NAV3: variants seen among roughly 807,000 people sequenced by gnomAD.
The protein encoded by NAV3 is pore membrane and/or filament interacting like protein 1.
Under a neutral mutation model 244.7 loss-of-function variants are expected in NAV3, and 87 were observed. The ratio of observed to expected loss-of-function variants is 0.36; its 90% CI spans 0.30 to 0.42. The LOEUF is 0.42. Among genes scored for constraint, NAV3 ranks in the 20% least tolerant of loss-of-function variants. The pLI is 1.00. For synonymous variants in NAV3, 1,126 were observed against 1,042.2 expected (o/e 1.08, Z -1.55); for missense variants, 2,663 against 2,893.3 (o/e 0.92, Z 1.83).
At chr12:78,069,919 A>C (rs1430301355) in intron 12 of NAV3, among the ~76,000 whole-genome samples, 1 of 152,052 alleles carries the variant, frequency 6.6e-6, no homozygotes, top group Admixed American at 6.6e-5. Flanking sequence ...TTTGTAAACT[A>C]TCAGGAATTA....
intron 9 of NAV3, among the ~76,000 whole-genome samples, chr12:78,030,112 C>A (rs957514585): frequency 1.3e-5 from 2 of 152,124 alleles, no homozygotes; most frequent in Admixed American, 6.6e-5. Context: ...TATGTATAGG[C>A]AAATATTCCA....
At chr12:77,711,943 T>G (rs758348759) in intron 2 of NAV3, among the ~76,000 whole-genome samples, 28 of 152,216 alleles carry the variant, frequency 1.8e-4, no homozygotes, top group Non-Finnish European at 3.8e-4. Flanking sequence ...CTACTTCCAA[T>G]GAACTCACTA....
Position 77,966,308 on chromosome 12 carries a change from A to C in NAV3, c.487+7A>C. 1 of 1,606,764 alleles carries C rather than the reference A, an allele frequency of 6.2e-7. No homozygotes were observed. Among genetic ancestry groups the C allele is most frequent in the Non-Finnish European group, 8.5e-7 (1 of 1,176,034 alleles). On this transcript the variant is annotated splice_region_variant and intron_variant, in intron 4 of 39. Transcript: ENST00000397909. Reference sequence around the variant, plus strand: ...CAAGGTCTATCTGCTGAAGGTAAGAAAAAGAATGACTGAATTGTCACAAAT... The same window carrying C: ...CAAGGTCTATCTGCTGAAGGTAAGACAAAGAATGACTGAATTGTCACAAAT...
intron 2 of NAV3, among the ~76,000 whole-genome samples, chr12:77,637,269 T>A (rs969346619): frequency 3.3e-5 from 5 of 152,104 alleles, no homozygotes; most frequent in African/African-American, 4.8e-5. Flanking sequence ...CCATAGAATT[T>A]GCAAACCATC....
chr12:77,784,992 A>C (rs1209374987), intron 2 of NAV3, among the ~76,000 whole-genome samples: 1 of 152,158 alleles, frequency 6.6e-6, no homozygotes, highest in African/African-American at 2.4e-5. Flanking sequence ...ATTTGGGTAC[A>C]GTTGACATTG....
At chr12:77,987,601 CAATT>C (rs1446963684) in intron 5 of NAV3, among the ~76,000 whole-genome samples, 2 of 151,974 alleles carry the variant, frequency 1.3e-5, no homozygotes, top group East Asian at 1.9e-4. Context: ...AAATGTCAAT[CAATT>C]GTTTAGTTAC....
intron 5 of NAV3, among the ~76,000 whole-genome samples, chr12:77,985,532 GA>G (rs922272343): frequency 3.3e-5 from 5 of 151,486 alleles, no homozygotes; most frequent in African/African-American, 1.2e-4. Flanking sequence ...AGTCACTTCT[GA>G]ATATCCATTT....
rs565902841 is a variant in NAV3, at chr12:77,725,363, C to T, written c.72+153097C>T. Among the ~76,000 whole-genome samples, 18 of 151,978 alleles carry T rather than the reference C, an allele frequency of 1.2e-4. No homozygotes were observed. In the South Asian group the frequency reaches 1.5e-3, roughly 12 times the overall value. ...TCTTTTGTAATATTCATATAACTGA[C>T]GAAAATGTGTTCATTTATCATTTCA... On this transcript the variant is annotated intron_variant, in intron 2 of 8. Coordinates refer to the NAV3 transcript ENST00000550042.
chr12:78,137,228 G>A lies in NAV3; in HGVS notation c.4493G>A (p.Arg1498His), dbSNP rs1340834228. ...QFNLPGPSMMRSNSIPAQDSS... is the reference protein window; with the variant it reads ...QFNLPGPSMMHSNSIPAQDSS... ...AACCTTCCCGGGCCCAGCATGATGC[G>A]CTCAAACAGCATCCCAGCCCAAGAC... Residue 1498 changes from arginine to histidine, a missense_variant, in exon 19 of 40, where the codon CGC becomes CAC. Physicochemically the swap from Arg to His is conservative, Grantham distance 29 (BLOSUM62 0). Coordinates refer to ENST00000397909, the MANE Select transcript of NAV3 (RefSeq NM_001024383.2). The A allele has an allele frequency of 1.9e-6, 3 of 1,613,104 alleles. No homozygotes were observed. The highest frequency in any genetic ancestry group is 1.7e-5 in the Admixed American group (1 of 59,904).
chr12:78,035,950 G>A (rs1879799494), intron 9 of NAV3, among the ~76,000 whole-genome samples: 1 of 152,150 alleles, frequency 6.6e-6, no homozygotes. Flanking sequence ...CCAACATTCA[G>A]AAGGGAGATC....
At chr12:77,596,965 G>A (rs773001245) in intron 2 of NAV3, among the ~76,000 whole-genome samples, 7 of 152,072 alleles carry the variant, frequency 4.6e-5, no homozygotes, top group Non-Finnish European at 7.4e-5. Context: ...TTATAGTCAA[G>A]GCTTGAGTAC....
intron 12 of NAV3, among the ~76,000 whole-genome samples, chr12:78,102,175 G>C (rs1954568880): frequency 6.6e-6 from 1 of 152,152 alleles, no homozygotes; most frequent in South Asian, 2.1e-4. Flanking sequence ...AAAATCACAA[G>C]CAAGCTAGTT....
intron 1 of NAV3, among the ~76,000 whole-genome samples, chr12:77,873,426 T>C (rs1028187879): frequency 6.6e-6 from 1 of 151,904 alleles, no homozygotes; most frequent in Non-Finnish European, 1.5e-5. Context: ...AAATGATATT[T>C]CTTAAATATT....
chr12:78,043,567 A>G (rs925315585), intron 9 of NAV3, among the ~76,000 whole-genome samples: 3 of 152,050 alleles, frequency 2.0e-5, no homozygotes, highest in Non-Finnish European at 4.4e-5. Context: ...AGGCGTTCCT[A>G]TTTCTCCACA....
chr12:77,967,002 TTC>T (rs1892581191), intron 4 of NAV3, among the ~76,000 whole-genome samples: 1 of 152,128 alleles, frequency 6.6e-6, no homozygotes, highest in South Asian at 2.1e-4. Flanking sequence ...ATATTTAAAT[TTC>T]TTTTATATTT....
At chr12:78,015,378 G>C (rs1876017072) in intron 8 of NAV3, among the ~76,000 whole-genome samples, 1 of 151,980 alleles carries the variant, frequency 6.6e-6, no homozygotes, top group South Asian at 2.1e-4. Context: ...TGGAACAACT[G>C]TTTAGCCTTT....
intron 39 of NAV3, among the ~76,000 whole-genome samples, chr12:78,205,492 A>G (rs1464625883): frequency 9.2e-5 from 14 of 152,160 alleles, no homozygotes; most frequent in East Asian, 3.9e-4. Context: ...ATAGAAAAAC[A>G]AAAGTTATGG....
chr12:77,663,682 C>A (rs1873580371), intron 2 of NAV3, among the ~76,000 whole-genome samples: 1 of 152,072 alleles, frequency 6.6e-6, no homozygotes, highest in South Asian at 2.1e-4. Context: ...CCACCATGCC[C>A]AGCTAATTTT....
chr12:78,025,839 GC>G (rs985701883), intron 9 of NAV3, among the ~76,000 whole-genome samples: 49 of 152,136 alleles, frequency 3.2e-4, no homozygotes, highest in African/African-American at 1.1e-3. Flanking sequence ...GCTCCCCTTT[GC>G]CTTTCACTGT....
Sources: allele counts gnomAD v4.1 joint callset (sites outside exome capture counted in the v4.1 genomes callset), GRCh38; gene constraint gnomAD v4.1.1; transcripts MANE v1.5; gene names NCBI Gene and HGNC (gene_info 2026-07-23, HGNC 2026-07-21).